DNAH9: variants seen among roughly 807,000 people sequenced by gnomAD.
DNAH9 encodes DNAH9 variant protein.
Under a neutral mutation model 471.6 loss-of-function variants are expected in DNAH9, and 345 were observed. The ratio of observed to expected loss-of-function variants is 0.73; its 90% CI spans 0.67 to 0.80. DNAH9 has a LOEUF of 0.80. Among genes scored for constraint, DNAH9 ranks in the 30% least tolerant of loss-of-function variants. DNAH9 has a pLI of 0.00. For synonymous variants in DNAH9, 2,093 were observed against 2,123.6 expected (o/e 0.99, Z 0.40); for missense variants, 5,407 against 5,609.2 (o/e 0.96, Z 1.15).
At chr17:11,866,253 C>T (rs1186326283) in intron 50 of DNAH9, among the ~76,000 whole-genome samples, 3 of 152,154 alleles carry the variant, frequency 2.0e-5, no homozygotes, top group Non-Finnish European at 2.9e-5. Flanking sequence ...CCCTCAGCTG[C>T]AGGTCTGTTG....
intron 26 of DNAH9, among the ~76,000 whole-genome samples, chr17:11,714,574 T>C (rs1276191561): frequency 2.6e-5 from 4 of 152,180 alleles, no homozygotes; most frequent in Admixed American, 2.0e-4. Flanking sequence ...TCTTCCCTTT[T>C]GAGTGTGAGT....
chr17:11,677,390 A>G (rs2074065141), intron 17 of DNAH9, among the ~76,000 whole-genome samples: 1 of 152,198 alleles, frequency 6.6e-6, no homozygotes. Flanking sequence ...ACCAAACATT[A>G]AACATCTTCT....
chr17:11,732,773 C>T (rs1021411843), intron 28 of DNAH9, among the ~76,000 whole-genome samples: 8 of 152,172 alleles, frequency 5.3e-5, no homozygotes, highest in Non-Finnish European at 1.2e-4. Flanking sequence ...ACATGTGCCA[C>T]GAGGACACAA....
chr17:11,780,719 C>G (rs143262282), intron 38 of DNAH9, among the ~76,000 whole-genome samples: 274 of 152,248 alleles, frequency 1.8e-3, no homozygotes, highest in African/African-American at 6.3e-3. Context: ...ACTAATCTCA[C>G]AGTTATGTTA....
rs1967966204 is a variant in DNAH9, at chr17:11,766,933, C to T, written c.7171-1520C>T. Among the ~76,000 whole-genome samples, 4 of 150,954 alleles carry T rather than the reference C, an allele frequency of 2.6e-5. No homozygotes were observed. The South Asian group carries it at 8.4e-4, about 32-fold the overall frequency. On this transcript the variant is annotated intron_variant, in intron 36 of 68. Transcript: ENST00000262442. ...GCCGTGAGCTGAGATCGCGCCACTGCCCTCCAGCCTGGGCAACAGAGCAAG... is the reference window on the plus strand; with the variant it reads ...GCCGTGAGCTGAGATCGCGCCACTGTCCTCCAGCCTGGGCAACAGAGCAAG...
At chr17:11,952,475 A>ATAAT (rs3074842) in intron 67 of DNAH9, among the ~76,000 whole-genome samples, 25,518 of 151,746 alleles carry the variant, frequency 0.17, 2,242 homozygotes, top group Admixed American at 0.21. Flanking sequence ...TTTTAATTTT[A>ATAAT]TAATTTTAGT....
chr17:11,811,549 C>T (rs1969901082), intron 45 of DNAH9, among the ~76,000 whole-genome samples: 2 of 152,092 alleles, frequency 1.3e-5, no homozygotes, highest in South Asian at 4.1e-4. Flanking sequence ...GTGGTCACAT[C>T]CCTGCTGTTG....
At chr17:11,747,530 T>C (rs1319883847) in intron 31 of DNAH9, 26 bp from the exon 32 acceptor site, 7 of 1,604,512 alleles carry the variant, frequency 4.4e-6, no homozygotes, top group Non-Finnish European at 6.0e-6. Context: ...GGCTGGTCCC[T>C]CTGGCTGAAT....
intron 1 of DNAH9, among the ~76,000 whole-genome samples, chr17:11,599,986 C>G (rs576899429): frequency 6.6e-6 from 1 of 152,224 alleles, no homozygotes; most frequent in East Asian, 1.9e-4. Context: ...GGATGCAAGT[C>G]CTGGAGTCTC....
intron 15 of DNAH9, among the ~76,000 whole-genome samples, chr17:11,668,722 C>A (rs1324802006): frequency 6.6e-6 from 1 of 151,568 alleles, no homozygotes; most frequent in Non-Finnish European, 1.5e-5. Flanking sequence ...CTGGACTGTC[C>A]CCCAGGAGGC....
intron 22 of DNAH9, among the ~76,000 whole-genome samples, chr17:11,698,402 AT>A (rs1347070241): frequency 6.8e-6 from 1 of 146,552 alleles, no homozygotes; most frequent in African/African-American, 2.5e-5. Context: ...TTATATATAT[AT>A]ATGCTCTTCT....
At chr17:11,874,570 A>G (rs1972403827) in intron 52 of DNAH9, among the ~76,000 whole-genome samples, 2 of 152,228 alleles carry the variant, frequency 1.3e-5, no homozygotes, top group South Asian at 2.1e-4. Context: ...GTGCTGGTTC[A>G]TGGAGCGTGC....
intron 25 of DNAH9, 66 bp from the exon 26 acceptor site, chr17:11,704,959 G>A (rs1342386084): frequency 3.6e-6 from 5 of 1,377,918 alleles, no homozygotes; most frequent in Non-Finnish European, 5.1e-6. Context: ...ACCCCTATGT[G>A]TCTTGTGGCC....
In DNAH9 at chr17:11,862,119, C is replaced by T. The variant is rs1240651873; in HGVS notation, c.9934-7015C>T. Among the ~76,000 whole-genome samples the T allele has an allele frequency of 3.2e-5, 4 of 126,726 alleles. No homozygotes were observed. In the East Asian group the frequency reaches 8.4e-4, roughly 27 times the overall value. The allele number at this position is 126,726 out of a possible 152,430, so 83.1% of individuals were successfully genotyped here. A position where few individuals can be genotyped will look rare whatever the true frequency, so the allele number is the denominator to read the frequency against. On this transcript the variant is annotated intron_variant, in intron 50 of 68. Transcript: ENST00000262442. ...CCCATGCCTGTCCTGAATGGTAATG[C>T]CTAGGTTTTCTTCTAGGGTTTATAT...
intron 50 of DNAH9, among the ~76,000 whole-genome samples, chr17:11,860,849 C>A (rs1971818837): frequency 6.6e-6 from 1 of 152,168 alleles, no homozygotes; most frequent in South Asian, 2.1e-4. Flanking sequence ...GGGTGAGCCA[C>A]TGCGCCCTGC....
At chr17:11,923,977 C>T (rs755650192) in intron 62 of DNAH9, 36 bp downstream of exon 62, 2 of 1,603,566 alleles carry the variant, frequency 1.2e-6, no homozygotes, top group Admixed American at 3.4e-5. Flanking sequence ...TTATCTTGAC[C>T]CATACTTGCC....
rs895253038 is a variant in DNAH9 at position 11,888,169 on chromosome 17, A to G, written c.11112+1204A>G. ...GGCTAATTTTTTTTGTATTTTTAGTAGAGACGGGGTTTCACTGTGTTAGCC... is the reference window on the plus strand; with the variant it reads ...GGCTAATTTTTTTTGTATTTTTAGTGGAGACGGGGTTTCACTGTGTTAGCC... On this transcript the variant is annotated intron_variant, in intron 57 of 68. Transcript: ENST00000262442. Among the ~76,000 whole-genome samples, 3 of 151,946 alleles carry G rather than the reference A, an allele frequency of 2.0e-5. No homozygotes were observed. In the East Asian group the frequency reaches 5.8e-4, roughly 30 times the overall value.
At chr17:11,967,704 G>A (rs1011202222) in intron 68 of DNAH9, among the ~76,000 whole-genome samples, 1 of 152,028 alleles carries the variant, frequency 6.6e-6, no homozygotes, top group African/African-American at 2.4e-5. Context: ...TTCCACAAAA[G>A]ACACGTTTTA....
chr17:11,694,210 T>C lies in DNAH9; in HGVS notation c.4746-111T>C, dbSNP rs939049440. 1.1e-5 allele frequency: 14 copies of C among 1,327,780 alleles called. No individual in the cohort carries two copies. In the African/African-American group the frequency reaches 1.9e-4, roughly 18 times the overall value. The allele number at this position is 1,327,780 out of a possible 1,614,324, so 82.2% of individuals were successfully genotyped here. A position where few individuals can be genotyped will look rare whatever the true frequency, so the allele number is the denominator to read the frequency against. The stretch of plus-strand genomic sequence containing the variant: ...TTTGCAAATATCTCTAAGTGTTTCT[T>C]GTGCTAATGCATATGTTCCGTCTAT... On this transcript the variant is annotated intron_variant, in intron 21 of 68. Transcript: ENST00000262442.
Sources: allele counts gnomAD v4.1 joint callset (sites outside exome capture counted in the v4.1 genomes callset), GRCh38; gene constraint gnomAD v4.1.1; transcripts MANE v1.5; gene names NCBI Gene and HGNC (gene_info 2026-07-23, HGNC 2026-07-21).